The following SHISA6 variants were observed in gnomAD, a reference collection of about 807,000 sequenced individuals.
SHISA6 encodes protein shisa-6.
A neutral mutation model predicts 47.9 loss-of-function variants in SHISA6; 22 were observed. The observed-to-expected ratio is 0.46, with a 90% CI of 0.33 to 0.66. The LOEUF is 0.66. SHISA6 is among the 30% of genes least tolerant of loss of function. The pLI, the probability that SHISA6 is intolerant of heterozygous loss-of-function variation, is 0.02. For synonymous variants in SHISA6, 388 were observed against 337.8 expected (o/e 1.15, Z -1.63); for missense variants, 680 against 764.6 (o/e 0.89, Z 1.30).
intron 2 of SHISA6, among the ~76,000 whole-genome samples, chr17:11,283,274 A>G (rs1211482836): frequency 2.0e-5 from 3 of 152,266 alleles, no homozygotes; most frequent in Non-Finnish European, 4.4e-5. Context: ...GTTAATCATC[A>G]TATGAATCTA....
intron 3 of SHISA6, among the ~76,000 whole-genome samples, chr17:11,517,579 T>G (rs1262642230): frequency 2.0e-5 from 3 of 152,184 alleles, no homozygotes; most frequent in Non-Finnish European, 4.4e-5. Context: ...CACAGCTCAG[T>G]GCAGCCTCAA....
chr17:11,467,089 A>G (rs942245663), intron 3 of SHISA6, among the ~76,000 whole-genome samples: 2 of 152,180 alleles, frequency 1.3e-5, no homozygotes, highest in Admixed American at 6.5e-5. Flanking sequence ...ACTACCATCA[A>G]TGACCTTATG....
At chr17:11,492,909 C>T (rs2908980) in intron 3 of SHISA6, among the ~76,000 whole-genome samples, 76,684 of 152,058 alleles carry the variant, frequency 0.5, 19,689 homozygotes, top group East Asian at 0.55. Context: ...CTCTCTTCCC[C>T]TCCCCTGTCC....
chr17:11,535,001 A>ATG (rs2071773495), intron 3 of SHISA6, among the ~76,000 whole-genome samples: 1 of 151,972 alleles, frequency 6.6e-6, no homozygotes, highest in Non-Finnish European at 1.5e-5. Context: ...GGTGGCAGGC[A>ATG]CCTGTAACCC....
chr17:11,342,158 G>A (rs1439615450), intron 2 of SHISA6, among the ~76,000 whole-genome samples: 3 of 152,128 alleles, frequency 2.0e-5, no homozygotes, highest in African/African-American at 7.2e-5. Context: ...GCAGATCCCA[G>A]ATCCCCCAGA....
intron 3 of SHISA6, among the ~76,000 whole-genome samples, chr17:11,473,286 A>G (rs918311175): frequency 5.3e-5 from 8 of 152,078 alleles, no homozygotes; most frequent in African/African-American, 1.9e-4. Flanking sequence ...TATAGTTTGG[A>G]CTTTACATTT....
intron 3 of SHISA6, among the ~76,000 whole-genome samples, chr17:11,549,006 T>G (rs2071906719): frequency 6.6e-6 from 1 of 152,230 alleles, no homozygotes; most frequent in African/African-American, 2.4e-5. Flanking sequence ...GGTGGTTTCA[T>G]CGCTTTTACT....
At chr17:11,401,186 A>C (rs940626925) in intron 3 of SHISA6, among the ~76,000 whole-genome samples, 1 of 152,038 alleles carries the variant, frequency 6.6e-6, no homozygotes, top group Non-Finnish European at 1.5e-5. Context: ...CCAGATATGT[A>C]AGTTTTGTTT....
At chr17:11,371,939 GA>G (rs147960723) in intron 2 of SHISA6, among the ~76,000 whole-genome samples, 1 of 151,792 alleles carries the variant, frequency 6.6e-6, no homozygotes, top group African/African-American at 2.4e-5. Flanking sequence ...ATTATTTCCA[GA>G]AAAAAATTAT....
At chr17:11,297,372 G>A (rs895575009) in intron 2 of SHISA6, among the ~76,000 whole-genome samples, 1 of 152,160 alleles carries the variant, frequency 6.6e-6, no homozygotes, top group Non-Finnish European at 1.5e-5. Flanking sequence ...CAAGATAATT[G>A]TTCTAGAACT....
chr17:11,488,324 C>T (rs10491096), intron 3 of SHISA6, among the ~76,000 whole-genome samples: 45,558 of 151,924 alleles, frequency 0.3, 7,137 homozygotes, highest in East Asian at 0.52. Flanking sequence ...GTTCAACATC[C>T]TTGTATTATA....
intron 2 of SHISA6, among the ~76,000 whole-genome samples, chr17:11,352,426 G>C (rs1402458840): frequency 6.6e-6 from 1 of 152,186 alleles, no homozygotes; most frequent in Non-Finnish European, 1.5e-5. Flanking sequence ...GTGCTTAAAA[G>C]CTGAATTATT....
At chr17:11,529,690 T>C (rs1177779921) in intron 3 of SHISA6, among the ~76,000 whole-genome samples, 1 of 152,206 alleles carries the variant, frequency 6.6e-6, no homozygotes, top group Admixed American at 6.5e-5. Context: ...AAGTTGACTA[T>C]ATTTGAAAGT....
intron 2 of SHISA6, among the ~76,000 whole-genome samples, chr17:11,317,980 C>G (rs1237640925): frequency 3.9e-5 from 6 of 152,154 alleles, no homozygotes; most frequent in Admixed American, 3.9e-4. Flanking sequence ...CCACTCATTC[C>G]ACCTGGATTA....
chr17:11,494,914 T>C (rs949776401), intron 3 of SHISA6, among the ~76,000 whole-genome samples: 1 of 152,106 alleles, frequency 6.6e-6, no homozygotes, highest in Non-Finnish European at 1.5e-5. Context: ...GAGCCAGCCA[T>C]TAATATTGTT....
chr17:11,480,447 T>C (rs1916181255), intron 3 of SHISA6, among the ~76,000 whole-genome samples: 1 of 152,112 alleles, frequency 6.6e-6, no homozygotes, highest in Non-Finnish European at 1.5e-5. Context: ...GTAGGTATTA[T>C]CCAGTTAATA....
intron 3 of SHISA6, among the ~76,000 whole-genome samples, chr17:11,443,881 A>G (rs192048477): frequency 3.7e-4 from 56 of 152,348 alleles, no homozygotes; most frequent in Admixed American, 2.5e-3. Context: ...AATGTGTAAA[A>G]ATATGCTATC....
intron 2 of SHISA6, among the ~76,000 whole-genome samples, chr17:11,377,252 A>T (rs936886204): frequency 1.3e-4 from 20 of 152,120 alleles, no homozygotes; most frequent in African/African-American, 4.8e-4. Flanking sequence ...ACAGGCATGA[A>T]CCACCACCCC....
chr17:11,380,804 G>A (rs931939934), intron 3 of SHISA6, among the ~76,000 whole-genome samples: 6 of 152,160 alleles, frequency 3.9e-5, no homozygotes, highest in African/African-American at 1.4e-4. Context: ...CTTGACTAGG[G>A]CTGGAGGATC....
Sources: gnomAD v4.1 joint callset for allele counts (sites outside exome capture counted in the v4.1 genomes callset) on GRCh38, gnomAD v4.1.1 for gene constraint, MANE v1.5 for transcripts, NCBI Gene and HGNC (gene_info 2026-07-23, HGNC 2026-07-21) for gene names.